The following EXOC4 variants were observed in gnomAD, a reference collection of about 807,000 sequenced individuals.
The protein encoded by EXOC4 is exocyst complex component 4.
In EXOC4, 71 loss-of-function variants were observed where a neutral mutation model predicts 107.2. The ratio of observed to expected loss-of-function variants is 0.66; its 90% CI spans 0.55 to 0.81. The LOEUF (loss-of-function observed/expected upper bound fraction) is 0.81, where lower values mean the gene tolerates loss of function less well. Ranked by LOEUF, EXOC4 falls within the 30% of genes least tolerant of loss-of-function variation. EXOC4 has a pLI of 0.00. For missense variants in EXOC4, 1,108 were observed against 1,189.6 expected, an observed-to-expected ratio of 0.93 and a Z score of 1.01; for synonymous variants, 456 against 441.2, an observed-to-expected ratio of 1.03 and a Z score of -0.42.
chr7:133,528,769 GGAGAA>G (rs1800126564), intron 9 of EXOC4, among the ~76,000 whole-genome samples: 1 of 152,086 alleles, frequency 6.6e-6, no homozygotes, highest in Non-Finnish European at 1.5e-5. Flanking sequence ...CTGAACAAAA[GGAGAA>G]GAGGTGAGAA....
intron 11 of EXOC4, among the ~76,000 whole-genome samples, chr7:133,831,873 G>A (rs544344227): frequency 3.9e-5 from 6 of 152,132 alleles, no homozygotes; most frequent in South Asian, 4.2e-4. Flanking sequence ...AGCTAAAAAC[G>A]AGTTCATACT....
At chr7:133,295,370 ATG>A (rs1373464174) in intron 3 of EXOC4, among the ~76,000 whole-genome samples, 1 of 152,142 alleles carries the variant, frequency 6.6e-6, no homozygotes, top group African/African-American at 2.4e-5. Flanking sequence ...ATTTCAGATT[ATG>A]TGTTATCAAT....
At chr7:133,309,005 A>G (rs1202171301) in intron 4 of EXOC4, among the ~76,000 whole-genome samples, 3 of 152,176 alleles carry the variant, frequency 2.0e-5, no homozygotes, top group Non-Finnish European at 4.4e-5. Flanking sequence ...AAAGATACCA[A>G]TTAAACTGGT....
At chr7:133,292,132 G>C (rs1253549784) in intron 3 of EXOC4, among the ~76,000 whole-genome samples, 2 of 152,082 alleles carry the variant, frequency 1.3e-5, no homozygotes, top group Non-Finnish European at 2.9e-5. Context: ...ATCACGTGAG[G>C]TCAGGAGATT....
intron 14 of EXOC4, among the ~76,000 whole-genome samples, chr7:133,941,025 C>CTT (rs774809098): frequency 2.1e-5 from 3 of 143,930 alleles, no homozygotes; most frequent in Admixed American, 7.0e-5. Context: ...TTCTTTTTTT[C>CTT]TTTTTTTTTT....
At chr7:133,741,698 T>C (rs1317618109) in intron 10 of EXOC4, among the ~76,000 whole-genome samples, 1 of 152,236 alleles carries the variant, frequency 6.6e-6, no homozygotes, top group Non-Finnish European at 1.5e-5. Flanking sequence ...AAAGATATTT[T>C]TCAGCTTTCA....
intron 14 of EXOC4, among the ~76,000 whole-genome samples, chr7:133,946,856 A>T (rs934516990): frequency 6.6e-6 from 1 of 152,124 alleles, no homozygotes; most frequent in Non-Finnish European, 1.5e-5. Context: ...TTTTTAAAAC[A>T]CATCTACTCT....
chr7:133,282,778 G>T lies in EXOC4; in HGVS notation c.277-6144G>T, dbSNP rs569036756. ...CACCTCACATGCTTATCAGTTATTT[G>T]TGGTGAGAATACTTAGAATCTACCT... On this transcript the variant is annotated intron_variant, in intron 2 of 17. Coordinates refer to ENST00000253861, the MANE Select transcript of EXOC4 (RefSeq NM_021807.4). 3.3e-5 allele frequency among the ~76,000 whole-genome samples: 5 copies of T among 152,222 alleles called. No individual in the cohort carries two copies. The East Asian group carries it at 9.7e-4, about 29-fold the overall frequency.
At chr7:133,780,579 T>C (rs545755476) in intron 10 of EXOC4, among the ~76,000 whole-genome samples, 1 of 152,346 alleles carries the variant, frequency 6.6e-6, no homozygotes, top group African/African-American at 2.4e-5. Flanking sequence ...ACAGGAATTA[T>C]TGTTTGTACA....
At chr7:133,927,822 T>G (rs978118101) in intron 13 of EXOC4, among the ~76,000 whole-genome samples, 17 of 152,170 alleles carry the variant, frequency 1.1e-4, no homozygotes, top group Admixed American at 4.6e-4. Flanking sequence ...CTGACTTAAA[T>G]CTCAAAACTA....
chr7:133,595,866 G>C (rs1348162644), intron 9 of EXOC4, among the ~76,000 whole-genome samples: 1 of 152,140 alleles, frequency 6.6e-6, no homozygotes, highest in Non-Finnish European at 1.5e-5. Flanking sequence ...TCAGATTCTA[G>C]TATCTCCGCC....
At chr7:133,383,552 G>C (rs908201849) in intron 7 of EXOC4, among the ~76,000 whole-genome samples, 1 of 152,190 alleles carries the variant, frequency 6.6e-6, no homozygotes, top group African/African-American at 2.4e-5. Context: ...CTTGCAGAGA[G>C]AGCTTGAAGT....
At chr7:133,358,746 C>G (rs892757370) in intron 6 of EXOC4, among the ~76,000 whole-genome samples, 1 of 151,354 alleles carries the variant, frequency 6.6e-6, no homozygotes, top group Non-Finnish European at 1.5e-5. Context: ...ATTATAGTAC[C>G]TTTAAAAGCA....
chr7:133,268,275 T>TA (rs1423313649), intron 1 of EXOC4, among the ~76,000 whole-genome samples: 4 of 152,218 alleles, frequency 2.6e-5, no homozygotes, highest in Non-Finnish European at 5.9e-5. Context: ...TGTGTTCCTT[T>TA]AATGTGTATG....
At chr7:134,067,758 A>G (rs6979172), downstream of EXOC4, among the ~76,000 whole-genome samples, 117,923 of 151,584 alleles carry the variant, frequency 0.78, 46,804 homozygotes, top group African/African-American at 0.93. Flanking sequence ...GCCTGTCAGT[A>G]TACCTTCCAA....
chr7:133,423,842 A>C (rs1584905628), intron 7 of EXOC4, among the ~76,000 whole-genome samples: 2 of 152,300 alleles, frequency 1.3e-5, no homozygotes, highest in East Asian at 3.9e-4. Context: ...CACTTGGCAC[A>C]GCCAGCTGGC....
At chr7:134,046,399 G>A (rs886632940) in intron 17 of EXOC4, among the ~76,000 whole-genome samples, 15 of 151,846 alleles carry the variant, frequency 9.9e-5, no homozygotes, top group Admixed American at 4.6e-4. Flanking sequence ...GAACCTGGGA[G>A]GCAGAGGTTG....
chr7:133,458,532 T>C (rs1204551890), intron 7 of EXOC4, among the ~76,000 whole-genome samples: 1 of 152,210 alleles, frequency 6.6e-6, no homozygotes, highest in Non-Finnish European at 1.5e-5. Flanking sequence ...CAGAATTGAT[T>C]GAAAACGTGT....
At chr7:133,465,853 C>T (rs371003798) in intron 7 of EXOC4, among the ~76,000 whole-genome samples, 33 of 152,014 alleles carry the variant, frequency 2.2e-4, no homozygotes, top group African/African-American at 6.3e-4. Context: ...GGAGAAAACT[C>T]GGCCGGGGGC....
Sources: allele counts gnomAD v4.1 joint callset (sites outside exome capture counted in the v4.1 genomes callset), GRCh38; gene constraint gnomAD v4.1.1; transcripts MANE v1.5; gene names NCBI Gene and HGNC (gene_info 2026-07-23, HGNC 2026-07-21).